Variants in FAR2 observed in about 807,000 individuals in gnomAD.
The protein encoded by FAR2 is epididymis secretory protein Li 81.
A neutral mutation model predicts 56.0 loss-of-function variants in FAR2; 19 were observed. The ratio of observed to expected loss-of-function variants is 0.34; its 90% CI spans 0.24 to 0.50. FAR2 has a LOEUF of 0.50. FAR2 is among the 20% of genes least tolerant of loss of function. The pLI is 0.98. For synonymous variants in FAR2, 219 were observed against 218.8 expected (o/e 1.00, Z -0.01); for missense variants, 508 against 642.2 (o/e 0.79, Z 2.26).
At chr12:29,288,094 T>C (rs1436187539) in intron 2 of FAR2, among the ~76,000 whole-genome samples, 1 of 152,158 alleles carries the variant, frequency 6.6e-6, no homozygotes, top group African/African-American at 2.4e-5. Flanking sequence ...ATTAGAAGAG[T>C]ATCTTATGTT....
At position 29,333,720 on chromosome 12, in the gene FAR2, G is replaced by A. The variant is rs1198553050; in HGVS notation, c.1474G>A (p.Val492Ile). The A allele has an allele frequency of 1.2e-6, 2 of 1,613,888 alleles. No homozygotes were observed. Among genetic ancestry groups the A allele is most frequent in the African/African-American group, 2.7e-5 (2 of 75,036 alleles). Residue 492 changes from valine to isoleucine, a missense_variant, in exon 12 of 12, where the codon GTC becomes ATC. Transcript: ENST00000536681. Reference protein sequence around the residue: ...LIARSQMARNVWFFIVSFCYK... With the variant: ...LIARSQMARNIWFFIVSFCYK... Reference sequence around the variant, plus strand: ...TGCAAGATCTCAGATGGCTCGGAATGTCTGGTTCTTCATTGTAAGCTTCTG... The same window carrying A: ...TGCAAGATCTCAGATGGCTCGGAATATCTGGTTCTTCATTGTAAGCTTCTG...
chr12:29,159,314 G>A (rs569924996), intron 1 of FAR2, among the ~76,000 whole-genome samples: 64 of 152,148 alleles, frequency 4.2e-4, no homozygotes, highest in Admixed American at 2.4e-3. Context: ...CAAGGCGGGC[G>A]GATCATGAGG....
intron 1 of FAR2, among the ~76,000 whole-genome samples, chr12:29,248,462 T>G (rs570751934): frequency 6.6e-6 from 1 of 152,074 alleles, no homozygotes; most frequent in Non-Finnish European, 1.5e-5. Context: ...GGAGGGAGTG[T>G]GCAAATAGAT....
intron 1 of FAR2, among the ~76,000 whole-genome samples, chr12:29,208,253 A>T (rs1338127378): frequency 6.6e-6 from 1 of 152,188 alleles, no homozygotes; most frequent in Non-Finnish European, 1.5e-5. Context: ...ACTGAAGTTT[A>T]AAGACCATGG....
At chr12:29,296,847 A>G (rs1369987132) in intron 3 of FAR2, among the ~76,000 whole-genome samples, 174 bp from the exon 4 acceptor site, 1 of 152,220 alleles carries the variant, frequency 6.6e-6, no homozygotes, top group Admixed American at 6.5e-5. Flanking sequence ...ATCACTACAT[A>G]AAACATTCCG....
intron 1 of FAR2, among the ~76,000 whole-genome samples, chr12:29,184,943 C>T (rs918606275): frequency 4.6e-5 from 7 of 152,132 alleles, no homozygotes; most frequent in African/African-American, 1.2e-4. Flanking sequence ...TTCAAGTTCT[C>T]GGTTCAAATT....
chr12:29,317,273 A>G (rs1414618194), intron 9 of FAR2, among the ~76,000 whole-genome samples: 1 of 152,218 alleles, frequency 6.6e-6, no homozygotes, highest in Non-Finnish European at 1.5e-5. Flanking sequence ...AAGACATTCA[A>G]AACTGTTTCA....
chr12:29,253,449 A>G (rs1455398768), intron 1 of FAR2, among the ~76,000 whole-genome samples: 1 of 151,640 alleles, frequency 6.6e-6, no homozygotes, highest in Non-Finnish European at 1.5e-5. Context: ...ATACACATAC[A>G]CCTATATATA....
chr12:29,201,984 G>C (rs916050006), intron 1 of FAR2, among the ~76,000 whole-genome samples: 7 of 152,174 alleles, frequency 4.6e-5, no homozygotes, highest in African/African-American at 1.7e-4. Context: ...AAATAAGTGA[G>C]TTCCTCTGCA....
chr12:29,254,950 C>CAAAAAAAAAAAA, intron 1 of FAR2, among the ~76,000 whole-genome samples: 1 of 121,546 alleles, frequency 8.2e-6, no homozygotes, highest in Non-Finnish European at 1.7e-5. Flanking sequence ...AAGACTGTCT[C>CAAAAAAAAAAAA]AAAAAAAAAA....
At chr12:29,265,946 A>G (rs1364832616) in intron 1 of FAR2, among the ~76,000 whole-genome samples, 1 of 152,206 alleles carries the variant, frequency 6.6e-6, no homozygotes, top group East Asian at 1.9e-4. Context: ...AGAGAAATGC[A>G]AATCAAAACT....
intron 8 of FAR2, among the ~76,000 whole-genome samples, chr12:29,315,280 T>C (rs561600225): frequency 6.6e-6 from 1 of 152,236 alleles, no homozygotes; most frequent in South Asian, 2.1e-4. Context: ...TTTAATCATA[T>C]TCAAGGACAG....
At chr12:29,226,670 T>C (rs531953307) in intron 1 of FAR2, among the ~76,000 whole-genome samples, 1 of 152,318 alleles carries the variant, frequency 6.6e-6, no homozygotes, top group African/African-American at 2.4e-5. Flanking sequence ...AGTTTAGATA[T>C]TTAATTTTTG....
At chr12:29,205,295 G>A (rs559569744) in intron 1 of FAR2, among the ~76,000 whole-genome samples, 165 of 152,268 alleles carry the variant, frequency 1.1e-3, no homozygotes, top group African/African-American at 3.7e-3. Flanking sequence ...ATGGATAGAG[G>A]TCTGTCAAAC....
In FAR2 at chr12:29,299,213, C is replaced by CAAAAAAAAAAA. The variant is rs71042981; in HGVS notation, c.545+2025_545+2035dup. On this transcript the variant is annotated intron_variant, in intron 4 of 11. Transcript: ENST00000536681. ...GGTCAACAAGAGCAAAACTTTGTCT[C>CAAAAAAAAAAA]AAAAAAAAAAAAAAAAAAAAAAGAA... 1.7e-3 allele frequency among the ~76,000 whole-genome samples: 178 copies of CAAAAAAAAAAA among 103,528 alleles called. 1 individual carries two copies. The highest frequency in any genetic ancestry group is 6.3e-3 in the African/African-American group (162 of 25,852). 67.9% of individuals were successfully genotyped at this position (103,528 alleles called of 152,430 possible).
chr12:29,190,610 G>C (rs899752883), intron 1 of FAR2, among the ~76,000 whole-genome samples: 1 of 151,956 alleles, frequency 6.6e-6, no homozygotes, highest in Admixed American at 6.6e-5. Context: ...GAGTATAGGC[G>C]CACACCACCA....
intron 1 of FAR2, among the ~76,000 whole-genome samples, chr12:29,200,398 G>A (rs1044728994): frequency 7.2e-5 from 11 of 152,144 alleles, no homozygotes; most frequent in African/African-American, 2.2e-4. Flanking sequence ...TTTCAAAGCC[G>A]AAAGAGTGGC....
At chr12:29,272,792 GC>G (rs543744378) in intron 2 of FAR2, among the ~76,000 whole-genome samples, 293 of 152,256 alleles carry the variant, frequency 1.9e-3, no homozygotes, top group African/African-American at 6.8e-3. Flanking sequence ...AGTCTTTGAG[GC>G]TGCTGACCCT....
Position 29,310,069 on chromosome 12 carries a change from G to A in FAR2, c.768+839G>A, listed in dbSNP as rs148706066. ...TAACAGTGACAAAGATCTTCCTTCC[G>A]ATTTCTGATTTTTCTAGCAGCCCCT... On this transcript the variant is annotated intron_variant, in intron 6 of 11. Transcript: ENST00000536681. Among the ~76,000 whole-genome samples, 586 of 152,224 alleles carry A rather than the reference G, an allele frequency of 3.8e-3. 8 individuals are homozygous for A. The highest frequency in any genetic ancestry group is 0.013 in the African/African-American group (554 of 41,540).
Sources: allele counts gnomAD v4.1 joint callset (sites outside exome capture counted in the v4.1 genomes callset), GRCh38; gene constraint gnomAD v4.1.1; transcripts MANE v1.5; gene names NCBI Gene and HGNC (gene_info 2026-07-23, HGNC 2026-07-21).